Variants in CYRIA observed in about 807,000 individuals in gnomAD.
CYRIA encodes the protein CYFIP related Rac1 interactor A.
Under a neutral mutation model 43.9 loss-of-function variants are expected in CYRIA, and 15 were observed. The observed-to-expected ratio is 0.34, with a 90% confidence interval of 0.23 to 0.53. CYRIA has a LOEUF of 0.53. CYRIA is among the 20% of genes least tolerant of loss of function. The pLI is 0.94. For missense variants in CYRIA, 236 were observed against 394.2 expected (o/e 0.60, Z 3.40); for synonymous variants, 117 against 136.0 (o/e 0.86, Z 0.97).
intron 3 of CYRIA, among the ~76,000 whole-genome samples, chr2:16,568,187 A>C (rs909891001): frequency 7.0e-6 from 1 of 142,406 alleles, no homozygotes. Context: ...TGGATTTGGG[A>C]TGCTCAGCTG....
At position 16,561,214 on chromosome 2, in the gene CYRIA, C is replaced by T. The variant is rs1202227868; in HGVS notation, c.577G>A (p.Ala193Thr). 1 of 1,613,842 alleles carries T rather than the reference C, an allele frequency of 6.2e-7. No individual in the cohort carries two copies. ...ANRMSLFYAE[A>T]TPMLKTLSNA... Reference sequence around the variant, plus strand: ...CTAAGGGTTTTCAGCATTGGCGTGGCTTCTGCATAGAAGAGGGACATTCGA... The same window carrying T: ...CTAAGGGTTTTCAGCATTGGCGTGGTTTCTGCATAGAAGAGGGACATTCGA... Residue 193 changes from alanine to threonine, a missense_variant, in exon 8 of 12, where the codon GCC becomes ACC. Physicochemically the swap from Ala to Thr is moderately conservative, Grantham distance 58 (BLOSUM62 0). Around this residue, in one of 3 missense-constraint regions of CYRIA, gnomAD observed 193 missense variants for 303.9 expected, o/e 0.64. Transcript: ENST00000381323.
chr2:16,592,434 T>G (rs184653593), intron 2 of CYRIA, among the ~76,000 whole-genome samples: 2 of 152,156 alleles, frequency 1.3e-5, no homozygotes, highest in East Asian at 3.9e-4. Context: ...AAGGTGGTCC[T>G]CCTTTCATCC....
intron 2 of CYRIA, among the ~76,000 whole-genome samples, chr2:16,609,271 C>T (rs977383939): frequency 5.3e-5 from 8 of 152,214 alleles, no homozygotes; most frequent in African/African-American, 1.7e-4. Flanking sequence ...GGATAAAGCA[C>T]ACAAGGGGGA....
At chr2:16,663,188 G>A (rs1670307452) in intron 1 of CYRIA, among the ~76,000 whole-genome samples, 1 of 152,190 alleles carries the variant, frequency 6.6e-6, no homozygotes, top group African/African-American at 2.4e-5. Flanking sequence ...GCCTTTCAAA[G>A]TGTTCAAAGC....
intron 1 of CYRIA, among the ~76,000 whole-genome samples, chr2:16,643,321 A>G (rs1669730105): frequency 6.6e-6 from 1 of 152,176 alleles, no homozygotes; most frequent in African/African-American, 2.4e-5. Flanking sequence ...AAGGCAGCTG[A>G]AAGGCTCCTG....
intron 2 of CYRIA, among the ~76,000 whole-genome samples, chr2:16,589,488 ATCTT>A (rs1667846968): frequency 7.0e-6 from 1 of 143,164 alleles, no homozygotes; most frequent in Non-Finnish European, 1.5e-5. Context: ...TAAGTAGTCT[ATCTT>A]TGTTAGATGG....
At chr2:16,593,488 T>C (rs1667999536) in intron 2 of CYRIA, among the ~76,000 whole-genome samples, 2 of 152,068 alleles carry the variant, frequency 1.3e-5, no homozygotes, top group Admixed American at 1.3e-4. Context: ...ATATAAATTA[T>C]TATGGAAGAC....
intron 3 of CYRIA, among the ~76,000 whole-genome samples, chr2:16,586,802 G>T (rs1037623773): frequency 7.2e-5 from 11 of 151,988 alleles, no homozygotes; most frequent in African/African-American, 2.7e-4. Context: ...TAAAATATTT[G>T]AAAAATTAAA....
At chr2:16,645,232 C>T (rs72777952) in intron 1 of CYRIA, among the ~76,000 whole-genome samples, 20,547 of 152,228 alleles carry the variant, frequency 0.13, 1,496 homozygotes, top group Middle Eastern at 0.19. Flanking sequence ...AATTAACTCA[C>T]CTATTCTTGG....
At chr2:16,619,276 C>A (rs1251134715) in intron 2 of CYRIA, among the ~76,000 whole-genome samples, 1 of 152,102 alleles carries the variant, frequency 6.6e-6, no homozygotes, top group African/African-American at 2.4e-5. Context: ...ACATAATGTA[C>A]ACATATATAC....
At chr2:16,614,566 A>G (rs1156266855) in intron 2 of CYRIA, among the ~76,000 whole-genome samples, 1 of 152,198 alleles carries the variant, frequency 6.6e-6, no homozygotes, top group Non-Finnish European at 1.5e-5. Flanking sequence ...AGCCTCCCAG[A>G]CAGATCAAGC....
chr2:16,562,136 C>T lies in CYRIA; in HGVS notation c.304G>A (p.Ala102Thr). 1 of 1,609,816 alleles carries T rather than the reference C, an allele frequency of 6.2e-7. No homozygotes were observed. The highest frequency in any genetic ancestry group is 8.5e-7 in the Non-Finnish European group (1 of 1,178,294). Residue 102 changes from alanine to threonine, a missense_variant, in exon 6 of 12, where the codon GCT (alanine) becomes ACT (threonine). By Grantham distance (58) the Ala-to-Thr change is moderately conservative (BLOSUM62 0). Coordinates refer to ENST00000381323, the MANE Select transcript of CYRIA (RefSeq NM_030797.4). ...AGAGATTCCAATAAACTCTGAAGAG[C>T]TTTTTCTGAAAATCAAAGGGATAAA... The part of the protein sequence containing the change: ...FYEFSIRLEK[A>T]LQSLLESLTC...
At chr2:16,614,472 C>T (rs918164660) in intron 2 of CYRIA, among the ~76,000 whole-genome samples, 3 of 152,218 alleles carry the variant, frequency 2.0e-5, no homozygotes, top group South Asian at 2.1e-4. Flanking sequence ...TTTCCCCTGT[C>T]GTCGGGGTTC....
At chr2:16,640,600 G>A (rs1352911413) in intron 1 of CYRIA, among the ~76,000 whole-genome samples, 1 of 152,210 alleles carries the variant, frequency 6.6e-6, no homozygotes, top group Non-Finnish European at 1.5e-5. Context: ...TGGTTGGGTG[G>A]CACTGTGTAT....
chr2:16,629,529 C>T (rs1359650730), intron 1 of CYRIA, among the ~76,000 whole-genome samples: 2 of 152,106 alleles, frequency 1.3e-5, no homozygotes, highest in Non-Finnish European at 2.9e-5. Flanking sequence ...CCGTTTCTGG[C>T]GTATGTTTAA....
intron 2 of CYRIA, among the ~76,000 whole-genome samples, chr2:16,589,010 T>G (rs1023695720): frequency 6.6e-6 from 1 of 151,810 alleles, no homozygotes; most frequent in African/African-American, 2.4e-5. Flanking sequence ...AACAGAAAAA[T>G]TTCTACTGCT....
rs745328031 is a variant in CYRIA, at chr2:16,565,616, G to T, written c.192+30C>A. The T allele has an allele frequency of 4.6e-6, 7 of 1,519,436 alleles. 1 individual carries two copies. In the East Asian group the frequency reaches 7.0e-5, roughly 15 times the overall value. The allele number at this position is 1,519,436 out of a possible 1,614,324, so 94.1% of individuals were successfully genotyped here. A position where few individuals can be genotyped will look rare whatever the true frequency, so the allele number is the denominator to read the frequency against. On this transcript the variant is annotated intron_variant, in intron 4 of 11. Transcript: ENST00000381323. ...GTGGTTTTCCTTCCCCTCCTCGGGT[G>T]TTGTCAGTTCAGCGTGATCATTGAC...
intron 3 of CYRIA, among the ~76,000 whole-genome samples, chr2:16,578,268 A>G (rs1667421321): frequency 6.6e-6 from 1 of 152,208 alleles, no homozygotes. Context: ...GACAGAAGAA[A>G]AGGCATGTGA....
chr2:16,586,648 CA>C (rs5829556), intron 3 of CYRIA, among the ~76,000 whole-genome samples: 66,793 of 144,518 alleles, frequency 0.46, 15,578 homozygotes, highest in African/African-American at 0.59. Context: ...CCAAAGACAC[CA>C]AAAAAAAAAA....
Sources: allele counts gnomAD v4.1 joint callset (sites outside exome capture counted in the v4.1 genomes callset), GRCh38; gene constraint gnomAD v4.1.1; regional missense constraint gnomAD v4.1.1; transcripts MANE v1.5; gene names NCBI Gene and HGNC (gene_info 2026-07-23, HGNC 2026-07-21).